C1QTNF5: variants seen among roughly 807,000 people sequenced by gnomAD.
C1QTNF5 encodes the protein complement C1q tumor necrosis factor-related protein 5.
C1QTNF5 carries 5 observed loss-of-function variants against 10.9 expected under a neutral mutation model. The ratio of observed to expected loss-of-function variants is 0.46; its 90% CI spans 0.24 to 0.97. The LOEUF (loss-of-function observed/expected upper bound fraction) is 0.97. C1QTNF5 is among the 50% of genes least tolerant of loss of function. The pLI is 0.19. For missense variants in C1QTNF5, 281 were observed against 339.4 expected (o/e 0.83, Z 1.35); for synonymous variants, 161 against 156.5 (o/e 1.03, Z -0.22).
chr11:119,340,390 G>A lies in C1QTNF5; in HGVS notation c.8C>T (p.Pro3Leu), dbSNP rs1206336903. 2 of 1,545,242 alleles carry A rather than the reference G, an allele frequency of 1.3e-6. No homozygotes were observed. The highest frequency in any genetic ancestry group is 3.9e-5 in the Admixed American group (2 of 50,948). MR[P>L]LLVLLLLGLA... ...GCCCAGGAGCAGCAGGACGAGGAGT[G>A]GCCTCATAGCGCTGGCACCGGGAGC... Residue 3 changes from proline (P) to leucine (L), a missense_variant, in exon 2 of 3, where the codon CCA (proline) becomes CTA (leucine). By Grantham distance (98) the Pro-to-Leu change is moderately conservative. Transcript: ENST00000528368.
the C1QTNF5 span, chr11:119,346,385 G>A: frequency 1.9e-6 from 3 of 1,613,246 alleles, no homozygotes; most frequent in Admixed American, 3.3e-5. Flanking sequence ...CTGGAAGGGG[G>A]AGATACTTGA....
upstream of C1QTNF5, chr11:119,345,909 TG>T: frequency 6.2e-7 from 1 of 1,613,520 alleles, no homozygotes; most frequent in Non-Finnish European, 8.5e-7. Context: ...ACGCCCCAGA[TG>T]GGGGTGCAGC....
At chr11:119,341,884 C>T, upstream of C1QTNF5, 1 of 1,614,090 alleles carries the variant, frequency 6.2e-7, no homozygotes, top group Non-Finnish European at 8.5e-7. Flanking sequence ...CCTCTACCAC[C>T]TCCTCCTGGG....
upstream of C1QTNF5, chr11:119,341,628 C>T: frequency 1.2e-6 from 2 of 1,612,978 alleles, no homozygotes; most frequent in Non-Finnish European, 1.7e-6. Context: ...CCCAGTAGTG[C>T]CAGGCCAGAC....
chr11:119,344,012 C>T (rs749549118), upstream of C1QTNF5: 3 of 1,606,892 alleles, frequency 1.9e-6, no homozygotes, highest in African/African-American at 1.3e-5. Context: ...TCTCCTGTCT[C>T]ATCCCGGGCA....
At chr11:119,345,081 A>G, upstream of C1QTNF5, 3 of 1,542,602 alleles carry the variant, frequency 1.9e-6, no homozygotes, top group Non-Finnish European at 1.8e-6. Context: ...TGGGCCTTGC[A>G]GTCCTATTTT....
upstream of C1QTNF5, chr11:119,343,857 C>G: frequency 6.2e-7 from 1 of 1,613,980 alleles, no homozygotes; most frequent in Non-Finnish European, 8.5e-7. Flanking sequence ...TGGTCTCATA[C>G]ACCTCCACGT....
rs1182153798 is a variant in C1QTNF5 at position 119,339,929 on chromosome 11, C to T, written c.215-81G>A. 7.1e-7 allele frequency: 1 copy of T among 1,402,094 alleles called. No homozygotes were observed. Among genetic ancestry groups the T allele is most frequent in the East Asian group, 2.7e-5 (1 of 36,826 alleles). 86.9% of individuals were successfully genotyped at this position (1,402,094 alleles called of 1,614,324 possible). ...GGCGGCGACTCTAAGGTCACCGTAC[C>T]CCTCCCCGCCCCTGCCTGAGCTTCG... On this transcript the variant is annotated intron_variant, in intron 2 of 2. Coordinates refer to ENST00000528368, the MANE Select transcript of C1QTNF5 (RefSeq NM_001278431.2). This position sits in a 1 kb window ranked among gnomAD's most constrained non-coding sequence, Gnocchi z 5.4.
the C1QTNF5 span, chr11:119,346,051 A>G: frequency 6.2e-7 from 1 of 1,611,270 alleles, no homozygotes; most frequent in Non-Finnish European, 8.5e-7. Flanking sequence ...CTTACGGGCC[A>G]GGATGATGGC....
At chr11:119,344,882 GGGGCCATAGCCT>G, upstream of C1QTNF5, 6 of 1,613,192 alleles carry the variant, frequency 3.7e-6, no homozygotes, top group Non-Finnish European at 5.1e-6. Context: ...ACCGCGCCCA[GGGGCCATAGCCT>G]GGTACCAGGC....
chr11:119,339,774 C>T lies in C1QTNF5; in HGVS notation c.289G>A (p.Glu97Lys). The T allele has an allele frequency of 6.5e-7, 1 of 1,548,610 alleles. No homozygotes were observed. Among genetic ancestry groups the T allele is most frequent in the Non-Finnish European group, 8.7e-7 (1 of 1,154,220 alleles). ...GPAGPTGPAGECSVPPRSAFS... is the reference protein window; with the variant it reads ...GPAGPTGPAGKCSVPPRSAFS... The stretch of plus-strand genomic sequence containing the variant: ...GCGGATCGCGGAGGCACCGAGCACT[C>T]CCCGGCAGGCCCGGTGGGCCCCGCG... The change falls in exon 3 of 3, where the codon GAG becomes AAG. Residue 97 changes from glutamate to lysine, a missense_variant. Glu to Lys is a moderately conservative substitution (Grantham distance 56). Coordinates refer to ENST00000528368, the MANE Select transcript of C1QTNF5 (RefSeq NM_001278431.2). The surrounding 1 kb of genome is among the most constrained non-coding windows in gnomAD (Gnocchi z 5.4).
the C1QTNF5 span, chr11:119,346,504 A>G: frequency 2.5e-6 from 4 of 1,614,066 alleles, no homozygotes; most frequent in South Asian, 4.4e-5. Context: ...ACATCTGAGA[A>G]GTCCTTCATG....
chr11:119,345,710 T>TC (rs780679503), upstream of C1QTNF5: 2 of 1,611,428 alleles, frequency 1.2e-6, no homozygotes, highest in Non-Finnish European at 1.7e-6. Flanking sequence ...TTCCTCACCC[T>TC]CCCCTCAACC....
the C1QTNF5 span, chr11:119,346,562 C>T: frequency 6.4e-4 from 1,018 of 1,585,996 alleles, 6 homozygotes; most frequent in Middle Eastern, 3.2e-3. Context: ...CAGCCCAAGA[C>T]CCCCAAGGGC....
chr11:119,342,521 C>A, upstream of C1QTNF5: 2 of 1,579,572 alleles, frequency 1.3e-6, no homozygotes, highest in Middle Eastern at 1.8e-4. Context: ...GGATGGGACA[C>A]TGTGCAGTAC....
At position 119,339,715 on chromosome 11, in the gene C1QTNF5, A is replaced by T; in HGVS notation, c.348T>A (p.Pro116=). Residue 116 remains proline (P), a synonymous_variant, in exon 3 of 3, where the codon CCT becomes CCA. Coordinates refer to ENST00000528368, the MANE Select transcript of C1QTNF5 (RefSeq NM_001278431.2). The surrounding 1 kb of genome is among the most constrained non-coding windows in gnomAD (Gnocchi z 5.4). Reference sequence around the variant, plus strand: ...AGGGCAAGGGTGCGTCAGACGGCGGAGGCACCCGGCTCTCGGAGCGCTTGG... The same window carrying T: ...AGGGCAAGGGTGCGTCAGACGGCGGTGGCACCCGGCTCTCGGAGCGCTTGG... ...FSAKRSESRV[P]PPSDAPLPFD... 6.2e-7 allele frequency: 1 copy of T among 1,603,208 alleles called. No homozygotes were observed. Among genetic ancestry groups the T allele is most frequent in the Non-Finnish European group, 8.5e-7 (1 of 1,178,640 alleles).
chr11:119,340,406 C>G lies in C1QTNF5; in HGVS notation c.-9G>C. On this transcript the variant is annotated 5_prime_UTR_variant, in exon 2 of 3. Transcript: ENST00000528368. ...ACGAGGAGTGGCCTCATAGCGCTGG[C>G]ACCGGGAGCCCGGACGCCGGGGTCC... The G allele has an allele frequency of 6.5e-7, 1 of 1,543,514 alleles. No individual in the cohort carries two copies. Among genetic ancestry groups the G allele is most frequent in the Admixed American group, 2.0e-5 (1 of 50,926 alleles).
upstream of C1QTNF5, chr11:119,342,858 C>A (rs373984029): frequency 6.2e-7 from 1 of 1,613,114 alleles, no homozygotes; most frequent in African/African-American, 1.3e-5. Flanking sequence ...CACCCACTTG[C>A]CCAGGGGCAC....
At chr11:119,342,493 G>A (rs1182648639), upstream of C1QTNF5, 45 of 1,469,440 alleles carry the variant, frequency 3.1e-5, 1 homozygote, top group East Asian at 3.4e-4. Flanking sequence ...AGCTGGCCCC[G>A]CCCCCTCAGG....
Sources: allele counts gnomAD v4.1 joint callset, GRCh38; gene constraint gnomAD v4.1.1; non-coding constraint Gnocchi (gnomAD v3.1); transcripts MANE v1.5; gene names NCBI Gene and HGNC (gene_info 2026-07-23, HGNC 2026-07-21).